Variants in EHMT1 observed in about 807,000 individuals in gnomAD.
The protein encoded by EHMT1 is euchromatic histone lysine methyltransferase 1.
A neutral mutation model predicts 147.2 loss-of-function variants in EHMT1; 15 were observed. The ratio of observed to expected loss-of-function variants is 0.10; its 90% confidence interval spans 0.07 to 0.16. The LOEUF is 0.16. Among genes scored for constraint, EHMT1 ranks in the 10% least tolerant of loss-of-function variants. EHMT1 has a pLI of 1.00. For synonymous variants in EHMT1, 795 were observed against 709.6 expected (o/e 1.12, Z -1.91); for missense variants, 1,587 against 1,772.4 (o/e 0.90, Z 1.88).
intron 1 of EHMT1, among the ~76,000 whole-genome samples, chr9:137,705,268 C>T (rs986817646): frequency 6.6e-6 from 1 of 152,194 alleles, no homozygotes; most frequent in Non-Finnish European, 1.5e-5. Context: ...GCTGGGATCA[C>T]AGGCATGAGC....
At chr9:137,656,777 T>C (rs1424870432) in intron 1 of EHMT1, among the ~76,000 whole-genome samples, 1 of 152,144 alleles carries the variant, frequency 6.6e-6, no homozygotes, top group East Asian at 1.9e-4. Context: ...CGTCTCGCTA[T>C]TCCCCCAGGC....
intron 16 of EHMT1, among the ~76,000 whole-genome samples, chr9:137,791,316 T>C (rs904769607): frequency 6.6e-6 from 1 of 152,134 alleles, no homozygotes; most frequent in African/African-American, 2.4e-5. Context: ...AAGGAAGAAG[T>C]AAAACTGCCT....
chr9:137,812,298 C>G (rs73578857), intron 19 of EHMT1, among the ~76,000 whole-genome samples: 1 of 152,106 alleles, frequency 6.6e-6, no homozygotes, highest in Non-Finnish European at 1.5e-5. Flanking sequence ...GAGATTGCGA[C>G]GCTACACTCC....
intron 24 of EHMT1, chr9:137,817,820 C>T (rs1385332051): frequency 9.6e-6 from 6 of 623,102 alleles, no homozygotes; most frequent in Non-Finnish European, 1.4e-5. Context: ...TAGGGGAGGA[C>T]CATTCTGGGT....
intron 1 of EHMT1, among the ~76,000 whole-genome samples, chr9:137,649,458 T>TCAAACAAACAAACAAA (rs113684662): frequency 6.7e-6 from 1 of 149,984 alleles, no homozygotes; most frequent in African/African-American, 2.5e-5. Context: ...AGACTCCGAC[T>TCAAACAAACAAACAAA]CAAACAAACA....
chr9:137,710,258 G>A (rs1263306955), intron 1 of EHMT1, among the ~76,000 whole-genome samples: 1 of 152,050 alleles, frequency 6.6e-6, no homozygotes, highest in African/African-American at 2.4e-5. Flanking sequence ...GATCACTTGA[G>A]GCCAGGAGTT....
intron 7 of EHMT1, among the ~76,000 whole-genome samples, chr9:137,752,829 A>G (rs1949079986): frequency 6.6e-6 from 1 of 152,090 alleles, no homozygotes; most frequent in Non-Finnish European, 1.5e-5. Flanking sequence ...AGCCGGCAGC[A>G]AGGACAGCTG....
intron 1 of EHMT1, among the ~76,000 whole-genome samples, chr9:137,691,532 C>T (rs148384193): frequency 6.3e-4 from 96 of 152,030 alleles, no homozygotes; most frequent in Non-Finnish European, 1.8e-4. Context: ...AGTGGATGTC[C>T]GTTGATGGAC....
chr9:137,744,113 A>G, intron 6 of EHMT1, 23 bp downstream of exon 6: 1 of 1,613,504 alleles, frequency 6.2e-7, no homozygotes, highest in Non-Finnish European at 8.5e-7. Flanking sequence ...GTCTTGGGTG[A>G]CAGCACAAGG....
chr9:137,778,165 T>C, intron 13 of EHMT1, 110 bp downstream of exon 13: 1 of 1,330,608 alleles, frequency 7.5e-7, no homozygotes, highest in Non-Finnish European at 1.1e-6. Context: ...TGATTAATGC[T>C]GTTCGTTAGA....
chr9:137,643,429 C>T (rs1050552095), intron 1 of EHMT1, among the ~76,000 whole-genome samples: 3 of 150,932 alleles, frequency 2.0e-5, no homozygotes, highest in African/African-American at 2.4e-5. Context: ...CAAGCTCTGC[C>T]TCCCAGGTTC....
chr9:137,660,126 A>G (rs1252098111), intron 1 of EHMT1, among the ~76,000 whole-genome samples: 1 of 151,952 alleles, frequency 6.6e-6, no homozygotes, highest in Non-Finnish European at 1.5e-5. Flanking sequence ...CTTGAGCTCA[A>G]GAGCTCGAGA....
intron 1 of EHMT1, among the ~76,000 whole-genome samples, chr9:137,623,593 G>C (rs1223642714): frequency 6.6e-6 from 1 of 151,946 alleles, no homozygotes; most frequent in African/African-American, 2.4e-5. Flanking sequence ...GCTAATTTTT[G>C]TATTTTTGGT....
chr9:137,828,199 C>CA lies in EHMT1; in HGVS notation c.3541-6149dup, dbSNP rs1434741463. On this transcript the variant is annotated intron_variant, in intron 25 of 26. Transcript: ENST00000460843. This position sits in a 1 kb window ranked among gnomAD's most constrained non-coding sequence, Gnocchi z 5.3. ...GCCCCAGGGGGGTGCTGGCGGGCAT[C>CA]AGGGAAGTCCCGGTGACAAGGGGCA... Among the ~76,000 whole-genome samples the CA allele has an allele frequency of 2.5e-4, 38 of 152,074 alleles. No homozygotes were observed. The highest frequency in any genetic ancestry group is 2.3e-3 in the Admixed American group (35 of 15,274).
At chr9:137,754,131 G>A in intron 7 of EHMT1, 40 bp from the exon 8 acceptor site, 9 of 1,613,690 alleles carry the variant, frequency 5.6e-6, no homozygotes, top group African/African-American at 1.3e-5. Flanking sequence ...GTAGCTTCCT[G>A]TGCTTAGTGG....
At position 137,776,880 on chromosome 9, in the gene EHMT1, G is replaced by T. The variant is rs371600953; in HGVS notation, c.2018+36G>T. 1.9e-6 allele frequency: 3 copies of T among 1,601,512 alleles called. No individual in the cohort carries two copies. Among genetic ancestry groups the T allele is most frequent in the Non-Finnish European group, 2.6e-6 (3 of 1,171,362 alleles). ...CAGGCTCTGGCTGGGCTCTCCAGTC[G>T]TCCACCTGAAAAAGTTTCAGTTGTT... is the stretch of plus-strand genomic sequence containing the variant. On this transcript the variant is annotated intron_variant, in intron 12 of 26. Transcript: ENST00000460843. This position sits in a 1 kb window ranked among gnomAD's most constrained non-coding sequence, Gnocchi z 4.4.
intron 1 of EHMT1, among the ~76,000 whole-genome samples, chr9:137,628,518 G>A (rs1843411491): frequency 1.3e-5 from 2 of 152,196 alleles, no homozygotes; most frequent in South Asian, 4.1e-4. Context: ...GGGCTCAGGC[G>A]ATTCTCCCGC....
At chr9:137,789,665 C>A (rs965247866) in intron 15 of EHMT1, among the ~76,000 whole-genome samples, 3 of 152,194 alleles carry the variant, frequency 2.0e-5, no homozygotes, top group Non-Finnish European at 4.4e-5. Flanking sequence ...TTGGGGAAGC[C>A]CAGCTCCTTC....
chr9:137,789,115 TG>T (rs1224988084), intron 15 of EHMT1: 1 of 152,348 alleles, frequency 6.6e-6, no homozygotes, highest in African/African-American at 2.4e-5. Flanking sequence ...CTGGGCGCGG[TG>T]TGGGTCTGAG....
Sources: allele counts gnomAD v4.1 joint callset (sites outside exome capture counted in the v4.1 genomes callset), GRCh38; gene constraint gnomAD v4.1.1; non-coding constraint Gnocchi (gnomAD v3.1); transcripts MANE v1.5; gene names NCBI Gene and HGNC (gene_info 2026-07-23, HGNC 2026-07-21).